THUMPD1: variants seen among roughly 807,000 people sequenced by gnomAD.
THUMPD1 encodes the protein THUMP domain-containing protein 1.
In THUMPD1, 31 loss-of-function variants were observed where a neutral mutation model predicts 31.6. The ratio of observed to expected loss-of-function variants is 0.98; its 90% confidence interval spans 0.74 to 1.32. The LOEUF (loss-of-function observed/expected upper bound fraction) is 1.32, where lower values mean the gene tolerates loss of function less well. THUMPD1 is among the 40% of genes most tolerant of loss of function. The probability of loss-of-function intolerance (pLI) is 0.00; values close to 1 mark genes in which losing one functional copy is unlikely to be tolerated. For synonymous variants in THUMPD1, 166 were observed against 158.2 expected (o/e 1.05, Z -0.37); for missense variants, 446 against 427.8 (o/e 1.04, Z -0.38).
At position 20,734,129 on chromosome 16, in the gene THUMPD1, T is replaced by C. The variant is rs1058902; in HGVS notation, c.*2751A>G. 65,100 of 152,370 alleles carry C rather than the reference T, an allele frequency of 0.43. 16,453 individuals carry two copies. The highest frequency in any genetic ancestry group is 0.58 in the Non-Finnish European group (39,602 of 67,940). The allele number at this position is 152,370 out of a possible 1,614,324, so 9.4% of individuals were successfully genotyped here. ...AAATACAAATAAATATAAAAGACAA[T>C]TTAAAAACAAACTGTATAATCAAAA... On this transcript the variant is annotated 3_prime_UTR_variant, in exon 4 of 4. Transcript: ENST00000396083.
intron 1 of THUMPD1, among the ~76,000 whole-genome samples, chr16:20,740,911 T>C (rs2079912707): frequency 1.3e-5 from 2 of 152,214 alleles, no homozygotes. Context: ...GAGGCTGTCA[T>C]GAAAAATGTG....
chr16:20,737,881 C>A lies in THUMPD1; in HGVS notation c.482G>T (p.Arg161Leu), dbSNP rs1364856574. Residue 161 changes from arginine (R) to leucine (L), a missense_variant, in exon 3 of 4, where the codon CGA (arginine) becomes CTA (leucine). Transcript: ENST00000396083. ...GCATGTGCCTGAGATGGGTAACATT[C>A]GCAAAATAACTCGAGTCTTCTTTTT... Reference protein sequence around the residue: ...TKKKKTRVILRMLPISGTCKA... With the variant: ...TKKKKTRVILLMLPISGTCKA... 1.9e-6 allele frequency: 3 copies of A among 1,613,584 alleles called. No homozygotes were observed. The highest frequency in any genetic ancestry group is 1.3e-5 in the African/African-American group (1 of 74,902).
At chr16:20,741,469 G>T in intron 1 of THUMPD1, 40 bp downstream of exon 1, 3 of 1,452,466 alleles carry the variant, frequency 2.1e-6, no homozygotes, top group Admixed American at 2.5e-5. Flanking sequence ...CTCCCGCAAG[G>T]CCTGGCAGCC....
chr16:20,741,541 C>G lies in THUMPD1; in HGVS notation c.199G>C (p.Glu67Gln). The G allele has an allele frequency of 7.4e-7, 1 of 1,347,384 alleles. No homozygotes were observed. The highest frequency in any genetic ancestry group is 9.8e-7 in the Non-Finnish European group (1 of 1,022,104). The allele number at this position is 1,347,384 out of a possible 1,614,324, so 83.5% of individuals were successfully genotyped here. Residue 67 changes from glutamate (E) to glutamine (Q), a missense_variant, in exon 1 of 4, where the codon GAA becomes CAA. By Grantham distance (29) the Glu-to-Gln change is conservative. Coordinates refer to ENST00000396083, the MANE Select transcript of THUMPD1 (RefSeq NM_017736.5). ...GGCCCATACATGTCGTCGCCGTATT[C>G]GTTGAGGAGGCTGTAGGCCTCCTCC... is the stretch of plus-strand genomic sequence containing the variant. ...CVEEAYSLLN[E>Q]YGDDMYGPEK...
intron 1 of THUMPD1, 32 bp from the exon 2 acceptor site, chr16:20,739,103 CACA>C (rs2079895759): frequency 2.5e-6 from 4 of 1,605,254 alleles, no homozygotes; most frequent in African/African-American, 1.3e-5. Flanking sequence ...GCAGAAATGA[CACA>C]ACAGCTCACA....
chr16:20,737,753 T>C lies in THUMPD1; in HGVS notation c.610A>G (p.Asn204Asp). The stretch of plus-strand genomic sequence containing the variant: ...TCTTCTCTATTCACATGACTGTTAT[T>C]TCGAGATTTGTACACAATCTGAAAT... ...GTFQIVYKSR[N>D]NSHVNREEVI... The change falls in exon 3 of 4, where the codon AAT becomes GAT. Residue 204 changes from asparagine to aspartate, a missense_variant. Transcript: ENST00000396083. The C allele has an allele frequency of 6.2e-7, 1 of 1,613,788 alleles. No homozygotes were observed. Among genetic ancestry groups the C allele is most frequent in the South Asian group, 1.1e-5 (1 of 90,980 alleles).
At position 20,736,553 on chromosome 16, in the gene THUMPD1, C is replaced by A. The variant is rs1318030963; in HGVS notation, c.*327G>T. The stretch of plus-strand genomic sequence containing the variant: ...ACTCCTTCCTTAGAATGAAAACTTC[C>A]CTCTGATTTTCTACTTCACAGGTAG... On this transcript the variant is annotated 3_prime_UTR_variant, in exon 4 of 4. Transcript: ENST00000396083. 9.3e-5 allele frequency: 22 copies of A among 235,378 alleles called. No individual in the cohort carries two copies. In the South Asian group the frequency reaches 2.5e-3, roughly 27 times the overall value. 14.6% of individuals were successfully genotyped at this position (235,378 alleles called of 1,614,324 possible).
At position 20,736,558 on chromosome 16, in the gene THUMPD1, G is replaced by C. The variant is rs117935475; in HGVS notation, c.*322C>G. The C allele has an allele frequency of 8.2e-4, 200 of 244,734 alleles. 2 individuals are homozygous for C. The East Asian group carries it at 0.01, about 12-fold the overall frequency. The allele number at this position is 244,734 out of a possible 1,614,324, so 15.2% of individuals were successfully genotyped here. A position where few individuals can be genotyped will look rare whatever the true frequency, so the allele number is the denominator to read the frequency against. ...TTCCTTAGAATGAAAACTTCCCTCT[G>C]ATTTTCTACTTCACAGGTAGTTCAC... On this transcript the variant is annotated 3_prime_UTR_variant, in exon 4 of 4. Coordinates refer to ENST00000396083, the MANE Select transcript of THUMPD1 (RefSeq NM_017736.5).
At chr16:20,739,317 A>G (rs976657437) in intron 1 of THUMPD1, among the ~76,000 whole-genome samples, 1 of 151,844 alleles carries the variant, frequency 6.6e-6, no homozygotes, top group Non-Finnish European at 1.5e-5. Context: ...CTGTGATTAC[A>G]GGCGCATGCC....
Position 20,735,247 on chromosome 16 carries a change from T to C in THUMPD1, c.*1633A>G, listed in dbSNP as rs1247797241. ...CACTCAGCAAAAGCTGGCTGTTTTATTGTAAGTACTCTGGCAATTCACCTT... is the reference window on the plus strand; with the variant it reads ...CACTCAGCAAAAGCTGGCTGTTTTACTGTAAGTACTCTGGCAATTCACCTT... On this transcript the variant is annotated 3_prime_UTR_variant, in exon 4 of 4. Transcript: ENST00000396083. 6.6e-6 allele frequency: 1 copy of C among 152,234 alleles called. No individual in the cohort carries two copies. Among genetic ancestry groups the C allele is most frequent in the Non-Finnish European group, 1.5e-5 (1 of 68,036 alleles). The allele number at this position is 152,234 out of a possible 1,614,324, so 9.4% of individuals were successfully genotyped here.
Position 20,741,793 on chromosome 16 carries a change from C to G in THUMPD1, c.-54G>C. On this transcript the variant is annotated 5_prime_UTR_variant, in exon 1 of 4. Coordinates refer to ENST00000396083, the MANE Select transcript of THUMPD1 (RefSeq NM_017736.5). ...ACGTTTCTCCGCTGCTGTTGGCGTC[C>G]TCGTCTATCGCCGGCGCGAACTGGT... is the stretch of plus-strand genomic sequence containing the variant. 6.5e-7 allele frequency: 1 copy of G among 1,547,322 alleles called. No homozygotes were observed. Among genetic ancestry groups the G allele is most frequent in the South Asian group, 1.2e-5 (1 of 84,054 alleles).
In THUMPD1 at chr16:20,741,771, T is replaced by C. The variant is rs764002293; in HGVS notation, c.-32A>G. ...CGCAAACTGAGAGGAAAGAGAAACG[T>C]TTCTCCGCTGCTGTTGGCGTCCTCG... On this transcript the variant is annotated 5_prime_UTR_variant, in exon 1 of 4. Transcript: ENST00000396083. 5.2e-6 allele frequency: 8 copies of C among 1,552,116 alleles called. No individual in the cohort carries two copies. In the Admixed American group the frequency reaches 1.6e-4, roughly 30 times the overall value.
At chr16:20,738,357 TA>T (rs1165620545) in intron 2 of THUMPD1, 7 of 395,702 alleles carry the variant, frequency 1.8e-5, no homozygotes, top group Non-Finnish European at 3.5e-5. Flanking sequence ...AAGATGTAAT[TA>T]ATCCATTAGC....
At chr16:20,738,174 C>A in intron 2 of THUMPD1, 1 of 590,514 alleles carries the variant, frequency 1.7e-6, no homozygotes. Flanking sequence ...ATCATTATTA[C>A]TGCTTGCACT....
chr16:20,741,486 C>T (rs200623811), intron 1 of THUMPD1, 23 bp downstream of exon 1: 4 of 187,728 alleles, frequency 2.1e-5, no homozygotes, highest in Non-Finnish European at 3.4e-5. Flanking sequence ...AGCCGGCCCG[C>T]CCGCCCACCC....
Position 20,738,970 on chromosome 16 carries a change from C to T in THUMPD1, c.333G>A (p.Glu111=), listed in dbSNP as rs753221834. The part of the protein sequence containing the change: ...KEVGDIKAST[E]MRLRRFQSVE... The stretch of plus-strand genomic sequence containing the variant: ...CTGACTGGAATCTTCTTAACCTCAT[C>T]TCTGTAGATGCCTTAATGTCACCAA... Residue 111 remains glutamate (E), a synonymous_variant, in exon 2 of 4, where the codon GAG becomes GAA. Transcript: ENST00000396083. 3.1e-6 allele frequency: 5 copies of T among 1,614,222 alleles called. No homozygotes were observed. The highest frequency in any genetic ancestry group is 4.2e-6 in the Non-Finnish European group (5 of 1,180,038).
chr16:20,739,720 C>G (rs2079901148), intron 1 of THUMPD1, among the ~76,000 whole-genome samples: 2 of 151,684 alleles, frequency 1.3e-5, no homozygotes, highest in South Asian at 4.1e-4. Flanking sequence ...ACTCAGGAGG[C>G]TGAGGCAGGA....
At chr16:20,739,934 A>C (rs1471231976) in intron 1 of THUMPD1, among the ~76,000 whole-genome samples, 1 of 152,188 alleles carries the variant, frequency 6.6e-6, no homozygotes, top group Non-Finnish European at 1.5e-5. Context: ...GGCAGAGAGA[A>C]ACGTGCTGAC....
intron 2 of THUMPD1, 174 bp downstream of exon 2, chr16:20,738,723 T>C (rs2079891936): frequency 1.4e-6 from 1 of 692,588 alleles, no homozygotes; most frequent in Admixed American, 2.7e-5. Flanking sequence ...CAATGCTACG[T>C]CCACCACCCC....
Sources: allele counts gnomAD v4.1 joint callset (sites outside exome capture counted in the v4.1 genomes callset), GRCh38; gene constraint gnomAD v4.1.1; transcripts MANE v1.5; gene names NCBI Gene and HGNC (gene_info 2026-07-23, HGNC 2026-07-21).